PRKACB: variants seen among roughly 807,000 people sequenced by gnomAD.
PRKACB encodes the protein protein kinase cAMP-activated catalytic subunit beta.
PRKACB carries 16 observed loss-of-function variants against 51.4 expected under a neutral mutation model. That is an observed-to-expected ratio of 0.31 (90% CI 0.21 to 0.47). The LOEUF is 0.47. PRKACB is among the 20% of genes least tolerant of loss of function. The pLI is 1.00. For missense variants in PRKACB, 309 were observed against 464.5 expected (o/e 0.67, Z 3.08); for synonymous variants, 147 against 154.4 (o/e 0.95, Z 0.35).
At chr1:84,211,525 C>T (rs1278107352) in intron 8 of PRKACB, among the ~76,000 whole-genome samples, 5 of 152,060 alleles carry the variant, frequency 3.3e-5, no homozygotes, top group Non-Finnish European at 7.4e-5. Context: ...ATTACTTCAT[C>T]TAGGTAAATG....
At chr1:84,215,700 G>A (rs1225113281) in intron 9 of PRKACB, among the ~76,000 whole-genome samples, 1 of 151,948 alleles carries the variant, frequency 6.6e-6, no homozygotes, top group East Asian at 1.9e-4. Context: ...TGACAGTTGT[G>A]GTAACAGTAC....
At chr1:84,134,437 GT>G (rs1429752320) in intron 1 of PRKACB, among the ~76,000 whole-genome samples, 1 of 152,138 alleles carries the variant, frequency 6.6e-6, no homozygotes, top group Non-Finnish European at 1.5e-5. Context: ...TGACTGCAAT[GT>G]TAAAAGAGAT....
chr1:84,149,872 T>G (rs192317725), intron 1 of PRKACB, among the ~76,000 whole-genome samples: 2 of 152,134 alleles, frequency 1.3e-5, no homozygotes. Flanking sequence ...GCATATCTTT[T>G]TGGAGTTAAT....
chr1:84,129,099 C>A (rs1363749165), intron 1 of PRKACB, among the ~76,000 whole-genome samples: 4 of 152,066 alleles, frequency 2.6e-5, no homozygotes, highest in African/African-American at 9.7e-5. Flanking sequence ...ATGTTTTGAG[C>A]AATTGAATAT....
intron 1 of PRKACB, among the ~76,000 whole-genome samples, chr1:84,128,007 C>CTTTTTTTTTTTT (rs10537848): frequency 5.7e-5 from 6 of 105,402 alleles, no homozygotes; most frequent in South Asian, 3.0e-4. Flanking sequence ...CTTTTTTTTT[C>CTTTTTTTTTTTT]TTTTTTTTTT....
At chr1:84,149,115 T>A (rs1654509105) in intron 1 of PRKACB, among the ~76,000 whole-genome samples, 1 of 152,046 alleles carries the variant, frequency 6.6e-6, no homozygotes, top group African/African-American at 2.4e-5. Context: ...GATTTCCAAA[T>A]GTATATCTTC....
At chr1:84,085,997 T>G in intron 1 of PRKACB, 2 of 741,320 alleles carry the variant, frequency 2.7e-6, no homozygotes. Flanking sequence ...CCACGCACAG[T>G]GGTGTGGACC....
chr1:84,178,977 A>G (rs1572105296), intron 1 of PRKACB, 200 bp from the exon 2 acceptor site: 2 of 478,532 alleles, frequency 4.2e-6, no homozygotes, highest in South Asian at 1.1e-4. Context: ...ATAGAACAAT[A>G]TTAGAGAATC....
chr1:84,108,112 G>A (rs182317138), intron 1 of PRKACB, among the ~76,000 whole-genome samples: 59 of 152,190 alleles, frequency 3.9e-4, no homozygotes, highest in African/African-American at 1.3e-3. Flanking sequence ...TAAAGAAAAT[G>A]TACATATACA....
At chr1:84,174,181 A>G (rs1239046636) in intron 1 of PRKACB, among the ~76,000 whole-genome samples, 2 of 151,766 alleles carry the variant, frequency 1.3e-5, no homozygotes, top group East Asian at 3.9e-4. Context: ...GATGTTTTAC[A>G]TGTCCCCGAT....
chr1:84,095,129 A>G (rs937386996), intron 1 of PRKACB, among the ~76,000 whole-genome samples: 3 of 151,914 alleles, frequency 2.0e-5, no homozygotes, highest in African/African-American at 7.2e-5. Flanking sequence ...TTGCCTAATG[A>G]CACATTTCTC....
intron 8 of PRKACB, chr1:84,204,824 A>G: frequency 1.0e-6 from 1 of 961,922 alleles, no homozygotes. Flanking sequence ...ATTAAGAAAA[A>G]CTGCTTTAGT....
At chr1:84,227,102 G>C (rs950606885) in intron 9 of PRKACB, among the ~76,000 whole-genome samples, 1 of 152,056 alleles carries the variant, frequency 6.6e-6, no homozygotes, top group Non-Finnish European at 1.5e-5. Context: ...GTAGTCATAA[G>C]TTTTATTAGT....
At chr1:84,216,072 A>G (rs1200133400) in intron 9 of PRKACB, among the ~76,000 whole-genome samples, 1 of 152,114 alleles carries the variant, frequency 6.6e-6, no homozygotes, top group Non-Finnish European at 1.5e-5. Flanking sequence ...CCTGGCTCAC[A>G]CCTGAAATCC....
At chr1:84,099,345 T>G (rs1649160965) in intron 1 of PRKACB, among the ~76,000 whole-genome samples, 1 of 148,678 alleles carries the variant, frequency 6.7e-6, no homozygotes, top group Non-Finnish European at 1.5e-5. Flanking sequence ...TAATTAATGT[T>G]GTATAGTCGA....
intron 5 of PRKACB, among the ~76,000 whole-genome samples, chr1:84,195,684 G>A (rs1412155538): frequency 3.3e-5 from 5 of 152,060 alleles, no homozygotes; most frequent in Admixed American, 2.0e-4. Context: ...AGGCTGAGGC[G>A]GGTGGATCAT....
intron 9 of PRKACB, among the ~76,000 whole-genome samples, chr1:84,231,655 T>G (rs1158788187): frequency 6.6e-6 from 1 of 152,138 alleles, no homozygotes; most frequent in Non-Finnish European, 1.5e-5. Flanking sequence ...CTTCAGAGAG[T>G]GTATGTGTCG....
chr1:84,223,414 G>A (rs1674070534), intron 9 of PRKACB, among the ~76,000 whole-genome samples: 1 of 147,716 alleles, frequency 6.8e-6, no homozygotes, highest in Non-Finnish European at 1.5e-5. Context: ...TGTCGCCCAG[G>A]CAAGAGTGCA....
chr1:84,212,354 T>G (rs550883480), intron 8 of PRKACB, among the ~76,000 whole-genome samples: 1 of 147,420 alleles, frequency 6.8e-6, no homozygotes, highest in East Asian at 1.9e-4. Context: ...AATTTACTTA[T>G]AGACTAGCAC....
Sources: gnomAD v4.1 joint callset for allele counts (sites outside exome capture counted in the v4.1 genomes callset) on GRCh38, gnomAD v4.1.1 for gene constraint, MANE v1.5 for transcripts, NCBI Gene and HGNC (gene_info 2026-07-23, HGNC 2026-07-21) for gene names.